MAPKAP1: variants seen among roughly 807,000 people sequenced by gnomAD.
MAPKAP1 encodes the protein target of rapamycin complex 2 subunit MAPKAP1.
MAPKAP1 carries 20 observed loss-of-function variants against 65.7 expected under a neutral mutation model. The ratio of observed to expected loss-of-function variants is 0.30; its 90% CI spans 0.21 to 0.44. MAPKAP1 has a LOEUF of 0.44. MAPKAP1 is among the 20% of genes least tolerant of loss of function. The probability of loss-of-function intolerance (pLI) is 1.00; values close to 1 mark genes in which losing one functional copy is unlikely to be tolerated. For missense variants in MAPKAP1, 423 were observed against 648.0 expected, an observed-to-expected ratio of 0.65 and a Z score of 3.77; for synonymous variants, 222 against 244.3, an observed-to-expected ratio of 0.91 and a Z score of 0.85.
At chr9:125,472,517 G>A (rs1351212946) in intron 9 of MAPKAP1, among the ~76,000 whole-genome samples, 2 of 152,068 alleles carry the variant, frequency 1.3e-5, no homozygotes, top group African/African-American at 4.8e-5. Context: ...GATTTCCTCG[G>A]CTAAAGTTTT....
chr9:125,551,814 T>C (rs1356460202), intron 6 of MAPKAP1, among the ~76,000 whole-genome samples: 1 of 152,222 alleles, frequency 6.6e-6, no homozygotes, highest in Non-Finnish European at 1.5e-5. Context: ...AAATTAGGTC[T>C]GTGTTGGGAA....
intron 1 of MAPKAP1, among the ~76,000 whole-genome samples, chr9:125,673,933 C>A (rs10986841): frequency 0.021 from 2,982 of 138,796 alleles, 162 homozygotes; most frequent in East Asian, 0.16. Flanking sequence ...CATAGTGAGA[C>A]CCTGTCTTCT....
intron 6 of MAPKAP1, among the ~76,000 whole-genome samples, chr9:125,546,417 T>C (rs1468838686): frequency 6.6e-6 from 1 of 152,204 alleles, no homozygotes; most frequent in Non-Finnish European, 1.5e-5. Flanking sequence ...GTTTTGTTTT[T>C]TGAGTAATAC....
At chr9:125,666,603 G>A (rs72769139) in intron 3 of MAPKAP1, among the ~76,000 whole-genome samples, 2,065 of 152,162 alleles carry the variant, frequency 0.014, 18 homozygotes, top group Middle Eastern at 0.024. Context: ...GGCCAGCCTG[G>A]GCAACACAGT....
chr9:125,693,650 C>T (rs1451590907), intron 1 of MAPKAP1, among the ~76,000 whole-genome samples: 1 of 148,118 alleles, frequency 6.8e-6, no homozygotes, highest in Non-Finnish European at 1.5e-5. Context: ...CACATATACA[C>T]GTATACATAC....
At chr9:125,441,476 C>T (rs1852481830) in intron 11 of MAPKAP1, among the ~76,000 whole-genome samples, 1 of 152,190 alleles carries the variant, frequency 6.6e-6, no homozygotes, top group African/African-American at 2.4e-5. Flanking sequence ...ATTAGATGTA[C>T]TGCATGTAGC....
chr9:125,662,680 C>T (rs1489335991), intron 3 of MAPKAP1, among the ~76,000 whole-genome samples: 1 of 150,330 alleles, frequency 6.7e-6, no homozygotes. Flanking sequence ...AAGACTCCGT[C>T]TTAAAAAAAA....
intron 2 of MAPKAP1, among the ~76,000 whole-genome samples, chr9:125,671,887 C>T (rs1380267620): frequency 6.6e-6 from 1 of 152,118 alleles, no homozygotes; most frequent in Non-Finnish European, 1.5e-5. Flanking sequence ...ACAATTCCTC[C>T]AGGGGCAAGA....
At chr9:125,468,320 G>A (rs7864176) in intron 9 of MAPKAP1, among the ~76,000 whole-genome samples, 1 of 152,202 alleles carries the variant, frequency 6.6e-6, no homozygotes, top group Non-Finnish European at 1.5e-5. Flanking sequence ...TTCCTGGGTG[G>A]GTGAGTTGAG....
At chr9:125,517,534 G>A (rs1247489869) in intron 7 of MAPKAP1, among the ~76,000 whole-genome samples, 1 of 152,036 alleles carries the variant, frequency 6.6e-6, no homozygotes, top group African/African-American at 2.4e-5. Flanking sequence ...AACATTTACT[G>A]GAAATATGTT....
At chr9:125,679,190 C>G (rs2131818451) in intron 1 of MAPKAP1, among the ~76,000 whole-genome samples, 1 of 152,172 alleles carries the variant, frequency 6.6e-6, no homozygotes, top group East Asian at 1.9e-4. Flanking sequence ...TTAGTAGAGA[C>G]AGGGTTTCAC....
At chr9:125,701,431 A>G (rs1835594226) in intron 1 of MAPKAP1, among the ~76,000 whole-genome samples, 1 of 152,236 alleles carries the variant, frequency 6.6e-6, no homozygotes, top group African/African-American at 2.4e-5. Context: ...GACGTGACCA[A>G]ACTCCAAAGG....
At chr9:125,536,058 A>G (rs1034766961) in intron 7 of MAPKAP1, among the ~76,000 whole-genome samples, 1 of 152,208 alleles carries the variant, frequency 6.6e-6, no homozygotes, top group South Asian at 2.1e-4. Context: ...CAAATGATAT[A>G]TTTCAAGTTT....
chr9:125,685,064 G>A lies in MAPKAP1; in HGVS notation c.-69-12421C>T, dbSNP rs576582679. On this transcript the variant is annotated intron_variant, in intron 1 of 11. Transcript: ENST00000265960. Reference sequence around the variant, plus strand: ...ACTGCCTGTTAGTAAGGTGCTAAGTGTTTGTTGATTTTACTCATTCAACAA... The same window carrying A: ...ACTGCCTGTTAGTAAGGTGCTAAGTATTTGTTGATTTTACTCATTCAACAA... Among the ~76,000 whole-genome samples, 16 of 152,136 alleles carry A rather than the reference G, an allele frequency of 1.1e-4. No individual in the cohort carries two copies. The South Asian group carries it at 3.3e-3, about 32-fold the overall frequency.
At chr9:125,652,395 T>A in intron 4 of MAPKAP1, 1 of 467,246 alleles carries the variant, frequency 2.1e-6, no homozygotes, top group Non-Finnish European at 2.9e-6. Context: ...GTGGAATATT[T>A]CCCCTGATAC....
chr9:125,550,246 A>G (rs1830547138), intron 6 of MAPKAP1, among the ~76,000 whole-genome samples: 1 of 152,186 alleles, frequency 6.6e-6, no homozygotes, highest in Non-Finnish European at 1.5e-5. Flanking sequence ...ACATTGTATT[A>G]ATAAACATTC....
chr9:125,584,395 G>A (rs1246997507), intron 5 of MAPKAP1, among the ~76,000 whole-genome samples: 1 of 152,154 alleles, frequency 6.6e-6, no homozygotes, highest in African/African-American at 2.4e-5. Context: ...ACTGCTGACT[G>A]GATCATACTA....
chr9:125,443,197 C>T (rs149341531), intron 11 of MAPKAP1, among the ~76,000 whole-genome samples: 1 of 152,332 alleles, frequency 6.6e-6, no homozygotes, highest in African/African-American at 2.4e-5. Flanking sequence ...ATGACTTCAA[C>T]TCTTCAGAAG....
At position 125,447,375 on chromosome 9, in the gene MAPKAP1, GTTTGGACT is replaced by G. The variant is rs1178154057; in HGVS notation, c.1346-2785_1346-2778del. ...AGAGAACGTTCTGTGGAGCACTTGTGTTTGGACTTGAACAATGACACAGCTGCAAAGTT... is the reference window on the plus strand; with the variant it reads ...AGAGAACGTTCTGTGGAGCACTTGTGTGAACAATGACACAGCTGCAAAGTT... On this transcript the variant is annotated intron_variant, in intron 10 of 11. Coordinates refer to ENST00000265960, the MANE Select transcript of MAPKAP1 (RefSeq NM_001006617.3). This position sits in a 1 kb window ranked among gnomAD's most constrained non-coding sequence, Gnocchi z 4.5. 6 of 456,486 alleles carry G rather than the reference GTTTGGACT, an allele frequency of 1.3e-5. No individual in the cohort carries two copies. Among genetic ancestry groups the G allele is most frequent in the Non-Finnish European group, 2.6e-5 (6 of 226,948 alleles). 28.3% of individuals were successfully genotyped at this position (456,486 alleles called of 1,614,324 possible). A position where few individuals can be genotyped will look rare whatever the true frequency, so the allele number is the denominator to read the frequency against.
Sources: allele counts gnomAD v4.1 joint callset (sites outside exome capture counted in the v4.1 genomes callset), GRCh38; gene constraint gnomAD v4.1.1; non-coding constraint Gnocchi (gnomAD v3.1); transcripts MANE v1.5; gene names NCBI Gene and HGNC (gene_info 2026-07-23, HGNC 2026-07-21).